ZDHHC1: variants seen among roughly 807,000 people sequenced by gnomAD.
ZDHHC1 encodes palmitoyltransferase ZDHHC1.
A neutral mutation model predicts 46.9 loss-of-function variants in ZDHHC1; 45 were observed. The ratio of observed to expected loss-of-function variants is 0.96; its 90% CI spans 0.76 to 1.23. ZDHHC1 has a LOEUF of 1.23. ZDHHC1 is among the 50% of genes most tolerant of loss of function. The pLI, the probability that ZDHHC1 is intolerant of heterozygous loss-of-function variation, is 0.00. For missense variants in ZDHHC1, 649 were observed against 670.8 expected (o/e 0.97, Z 0.36); for synonymous variants, 291 against 286.0 (o/e 1.02, Z -0.18).
At chr16:67,415,248 A>C (rs2040814793) in intron 1 of ZDHHC1, among the ~76,000 whole-genome samples, 1 of 152,110 alleles carries the variant, frequency 6.6e-6, no homozygotes, top group Admixed American at 6.5e-5. Flanking sequence ...CCTTGAGACC[A>C]GGAGCTCGAG....
intron 1 of ZDHHC1, among the ~76,000 whole-genome samples, chr16:67,412,532 G>A (rs2040763847): frequency 1.3e-5 from 2 of 152,150 alleles, no homozygotes; most frequent in Admixed American, 6.5e-5. Context: ...ATTCTAAGAC[G>A]CTTGGCTGCA....
In ZDHHC1 at chr16:67,406,160, C is replaced by G. The variant is rs1232177048; in HGVS notation, c.252+40G>C. Reference sequence around the variant, plus strand: ...CGCTGTGCCAGCCATCCTTTGCCTCCCCACTTCCACACACCAGCCCTACGC... The same window carrying G: ...CGCTGTGCCAGCCATCCTTTGCCTCGCCACTTCCACACACCAGCCCTACGC... On this transcript the variant is annotated intron_variant, in intron 3 of 11. Transcript: ENST00000565726. This position sits in a 1 kb window ranked among gnomAD's most constrained non-coding sequence, Gnocchi z 4.1. 6.3e-7 allele frequency: 1 copy of G among 1,592,232 alleles called. No homozygotes were observed. Among genetic ancestry groups the G allele is most frequent in the Non-Finnish European group, 8.6e-7 (1 of 1,166,508 alleles).
chr16:67,399,088 T>C, intron 5 of ZDHHC1, 144 bp from the exon 6 acceptor site: 1 of 1,251,534 alleles, frequency 8.0e-7, no homozygotes, highest in South Asian at 1.6e-5. Context: ...GCCAAAGGCA[T>C]ACGGCAAAAC....
At chr16:67,413,352 C>G (rs1559323) in intron 1 of ZDHHC1, among the ~76,000 whole-genome samples, 27,021 of 152,036 alleles carry the variant, frequency 0.18, 5,734 homozygotes, top group African/African-American at 0.51. Flanking sequence ...GTTGAACTAC[C>G]TAAAGGGAAG....
chr16:67,415,591 T>C (rs2040820554), intron 1 of ZDHHC1, among the ~76,000 whole-genome samples: 1 of 152,024 alleles, frequency 6.6e-6, no homozygotes, highest in South Asian at 2.1e-4. Context: ...ACCCCGTCCC[T>C]ACTAAAAATA....
In ZDHHC1 at chr16:67,394,986, A is replaced by G. The variant is rs370187718; in HGVS notation, c.1165+16T>C. On this transcript the variant is annotated intron_variant, in intron 11 of 11. Transcript: ENST00000565726. ...CGAGTTCCCAGAGCAGGACCCGGAC[A>G]GGGAGAGGCGCTCACCCGACGCCGG... 7 of 1,603,352 alleles carry G rather than the reference A, an allele frequency of 4.4e-6. No homozygotes were observed. The highest frequency in any genetic ancestry group is 4.3e-6 in the Non-Finnish European group (5 of 1,175,040).
chr16:67,412,268 T>C (rs1458975329), intron 1 of ZDHHC1, among the ~76,000 whole-genome samples: 1 of 152,070 alleles, frequency 6.6e-6, no homozygotes, highest in Non-Finnish European at 1.5e-5. Flanking sequence ...AAATTGCATT[T>C]CCTGGTACTC....
At chr16:67,399,283 A>G in intron 5 of ZDHHC1, 72 bp downstream of exon 5, 1 of 1,372,320 alleles carries the variant, frequency 7.3e-7, no homozygotes, top group Non-Finnish European at 1.0e-6. Flanking sequence ...CTGCCATGCG[A>G]GCTGCAAGGT....
At chr16:67,398,447 G>T in intron 7 of ZDHHC1, 123 bp from the exon 8 acceptor site, 1 of 1,511,612 alleles carries the variant, frequency 6.6e-7, no homozygotes, top group South Asian at 1.2e-5. Context: ...CATCAGGTGA[G>T]ACCTGGCCAC....
intron 8 of ZDHHC1, among the ~76,000 whole-genome samples, chr16:67,397,796 G>A (rs1017728684): frequency 6.6e-6 from 1 of 152,234 alleles, no homozygotes; most frequent in Non-Finnish European, 1.5e-5. Flanking sequence ...AGGCACATCT[G>A]CAGAAGAGGC....
rs1271270873 is a variant in ZDHHC1 at position 67,401,601 on chromosome 16, AC to A, written c.253-470del. 6.6e-6 allele frequency among the ~76,000 whole-genome samples: 1 copy of A among 151,908 alleles called. No homozygotes were observed. The highest frequency in any genetic ancestry group is 1.5e-5 in the Non-Finnish European group (1 of 67,984). ...AGTCACCTCCAAAAGGGATGCAGCC[AC>A]CCCCCTTTTCAGTAGCTGGGCCAGA... On this transcript the variant is annotated intron_variant, in intron 3 of 11. Transcript: ENST00000565726. This position sits in a 1 kb window ranked among gnomAD's most constrained non-coding sequence, Gnocchi z 4.6.
chr16:67,404,288 C>T (rs144799788), intron 3 of ZDHHC1: 18 of 165,302 alleles, frequency 1.1e-4, no homozygotes, highest in Admixed American at 2.9e-4. Flanking sequence ...TAGGTGGCCT[C>T]TGCTTGCCCT....
Position 67,394,775 on chromosome 16 carries a change from C to G in ZDHHC1, c.1284G>C (p.Glu428Asp). 1 of 1,530,770 alleles carries G rather than the reference C, an allele frequency of 6.5e-7. No homozygotes were observed. The highest frequency in any genetic ancestry group is 1.4e-5 in the African/African-American group (1 of 72,610). The allele number at this position is 1,530,770 out of a possible 1,614,324, so 94.8% of individuals were successfully genotyped here. ...YHSASAESVDEIPVAQTRLGS... is the reference protein window; with the variant it reads ...YHSASAESVDDIPVAQTRLGS... Reference sequence around the variant, plus strand: ...CCAGGCGCGTCTGCGCCACTGGAATCTCGTCCACGGACTCTGCCGACGCCG... The same window carrying G: ...CCAGGCGCGTCTGCGCCACTGGAATGTCGTCCACGGACTCTGCCGACGCCG... Residue 428 changes from glutamate (E) to aspartate (D), a missense_variant, in exon 12 of 12, where the codon GAG (glutamate) becomes GAC (aspartate). Coordinates refer to ENST00000565726, the MANE Select transcript of ZDHHC1 (RefSeq NM_001323627.2).
rs143542767 is a variant in ZDHHC1, at chr16:67,406,239, A to T, written c.213T>A (p.Val71=). 24 of 1,613,432 alleles carry T rather than the reference A, an allele frequency of 1.5e-5. No individual in the cohort carries two copies. The highest frequency in any genetic ancestry group is 2.0e-5 in the Non-Finnish European group (24 of 1,179,798). The stretch of plus-strand genomic sequence containing the variant: ...GCACCCAGTGGTGAGGCAGGAGGGG[A>T]ACAAGGATCCCAAAGCCGATCACAG... ...FFAVIGFGIL[V]PLLPHHWVPA... is the part of the protein sequence containing the mutation. The change falls in exon 3 of 12, where the codon GTT becomes GTA. Residue 71 remains valine (V), a synonymous_variant. Coordinates refer to ENST00000565726, the MANE Select transcript of ZDHHC1 (RefSeq NM_001323627.2). The surrounding 1 kb of genome is among the most constrained non-coding windows in gnomAD (Gnocchi z 4.1).
In ZDHHC1 at chr16:67,395,570, G is replaced by C; in HGVS notation, c.928-4C>G. The C allele has an allele frequency of 1.3e-6, 2 of 1,552,316 alleles. No individual in the cohort carries two copies. The highest frequency in any genetic ancestry group is 2.7e-5 in the African/African-American group (2 of 73,306). ...TCCGCATGTAGAACTCCATCTCCTG[G>C]GGAAGGTGGAAGTCAAGGAGGCTGG... is the stretch of plus-strand genomic sequence containing the variant. On this transcript the variant is annotated splice_polypyrimidine_tract_variant and splice_region_variant and intron_variant, in intron 8 of 11. Transcript: ENST00000565726.
At position 67,406,380 on chromosome 16, in the gene ZDHHC1, C is replaced by T. The variant is rs757263885; in HGVS notation, c.72G>A (p.Pro24=). The T allele has an allele frequency of 1.0e-5, 16 of 1,579,078 alleles. No homozygotes were observed. Among genetic ancestry groups the T allele is most frequent in the African/African-American group, 5.4e-5 (4 of 74,408 alleles). Residue 24 remains proline (P), a synonymous_variant, in exon 3 of 12, where the codon CCG becomes CCA. Transcript: ENST00000565726. This position sits in a 1 kb window ranked among gnomAD's most constrained non-coding sequence, Gnocchi z 4.1. ...TAPEKSVWTA[P]AQPSGPSPEL... ...CAGGGGAGGGTCCGCTGGGCTGTGC[C>T]GGTGCCGTCCACACACTCTTCTCAG...
At chr16:67,413,237 G>A (rs2040779294) in intron 1 of ZDHHC1, among the ~76,000 whole-genome samples, 1 of 152,146 alleles carries the variant, frequency 6.6e-6, no homozygotes. Context: ...AAACAACCGT[G>A]CCCAGTCGGG....
chr16:67,400,754 TG>T (rs1218091847), intron 4 of ZDHHC1, among the ~76,000 whole-genome samples: 1 of 152,222 alleles, frequency 6.6e-6, no homozygotes, highest in Non-Finnish European at 1.5e-5. Flanking sequence ...CTTTAACTGC[TG>T]GAATACTACT....
At chr16:67,403,968 C>T (rs948537790) in intron 3 of ZDHHC1, among the ~76,000 whole-genome samples, 18 of 152,112 alleles carry the variant, frequency 1.2e-4, no homozygotes, top group East Asian at 9.7e-4. Context: ...GGAGCTGGGG[C>T]GCAACATTAT....
Sources: allele counts gnomAD v4.1 joint callset (sites outside exome capture counted in the v4.1 genomes callset), GRCh38; gene constraint gnomAD v4.1.1; non-coding constraint Gnocchi (gnomAD v3.1); transcripts MANE v1.5; gene names NCBI Gene and HGNC (gene_info 2026-07-23, HGNC 2026-07-21).